Variants in PARD3 observed in about 807,000 individuals in gnomAD.
PARD3 encodes partitioning defective 3 homolog.
In PARD3, 75 loss-of-function variants were observed where a neutral mutation model predicts 155.4. The ratio of observed to expected loss-of-function variants is 0.48; its 90% CI spans 0.40 to 0.58. PARD3 has a LOEUF of 0.58. PARD3 is among the 20% of genes least tolerant of loss of function. PARD3 has a pLI of 0.00. For synonymous variants in PARD3, 576 were observed against 610.5 expected, an observed-to-expected ratio of 0.94 and a Z score of 0.83; for missense variants, 1,642 against 1,721.7, an observed-to-expected ratio of 0.95 and a Z score of 0.82.
chr10:34,363,602 G>A (rs1231268374), intron 12 of PARD3, among the ~76,000 whole-genome samples: 2 of 152,138 alleles, frequency 1.3e-5, no homozygotes, highest in Non-Finnish European at 2.9e-5. Context: ...GATAGTATAG[G>A]AATCTCCATA....
chr10:34,642,339 A>T (rs2092704481), intron 2 of PARD3, among the ~76,000 whole-genome samples: 1 of 151,594 alleles, frequency 6.6e-6, no homozygotes, highest in South Asian at 2.1e-4. Flanking sequence ...TGCTTTCTAC[A>T]CCCTCTCAAA....
intron 24 of PARD3, among the ~76,000 whole-genome samples, chr10:34,114,850 C>T (rs1440229489): frequency 1.3e-5 from 2 of 152,230 alleles, no homozygotes; most frequent in South Asian, 2.1e-4. Flanking sequence ...ACAACAGCAA[C>T]AAAATATCAA....
At chr10:34,204,785 G>A (rs908781860) in intron 22 of PARD3, among the ~76,000 whole-genome samples, 3 of 152,112 alleles carry the variant, frequency 2.0e-5, no homozygotes, top group Admixed American at 1.3e-4. Context: ...TTTTGAATTC[G>A]TGGTATCTAT....
At chr10:34,582,734 T>C (rs1476993830) in intron 2 of PARD3, among the ~76,000 whole-genome samples, 1 of 152,194 alleles carries the variant, frequency 6.6e-6, no homozygotes, top group African/African-American at 2.4e-5. Flanking sequence ...TCCTCCTTCA[T>C]AAGGAAATTC....
intron 3 of PARD3, among the ~76,000 whole-genome samples, chr10:34,475,561 T>C (rs542762479): frequency 6.6e-6 from 1 of 152,222 alleles, no homozygotes; most frequent in Non-Finnish European, 1.5e-5. Context: ...TCTATTTGTC[T>C]CACATTTTGA....
At chr10:34,694,671 C>T (rs2094132937) in intron 2 of PARD3, among the ~76,000 whole-genome samples, 1 of 151,932 alleles carries the variant, frequency 6.6e-6, no homozygotes, top group Non-Finnish European at 1.5e-5. Flanking sequence ...GGGGTTTCAC[C>T]TTGTTAGCCA....
intron 2 of PARD3, among the ~76,000 whole-genome samples, chr10:34,648,711 T>C (rs2253088): frequency 0.52 from 79,015 of 152,120 alleles, 24,011 homozygotes; most frequent in African/African-American, 0.86. Flanking sequence ...TGGCTCCTAA[T>C]GGGCCATGGA....
intron 12 of PARD3, among the ~76,000 whole-genome samples, chr10:34,361,136 T>C (rs987095985): frequency 6.6e-6 from 1 of 152,198 alleles, no homozygotes; most frequent in African/African-American, 2.4e-5. Flanking sequence ...ATCCCGCCCA[T>C]GACCAAGATT....
chr10:34,746,098 T>C (rs533144536), intron 1 of PARD3, among the ~76,000 whole-genome samples: 5 of 151,328 alleles, frequency 3.3e-5, no homozygotes, highest in Admixed American at 1.3e-4. Context: ...CAAGACTCCA[T>C]CTCAAAAAAC....
intron 3 of PARD3, among the ~76,000 whole-genome samples, chr10:34,501,043 C>T (rs576549357): frequency 6.6e-6 from 1 of 152,218 alleles, no homozygotes; most frequent in East Asian, 1.9e-4. Flanking sequence ...TATCAAGCAA[C>T]CACAATTATA....
intron 5 of PARD3, among the ~76,000 whole-genome samples, chr10:34,410,412 A>G (rs1589466849): frequency 6.6e-6 from 1 of 152,276 alleles, no homozygotes; most frequent in East Asian, 1.9e-4. Context: ...TAATGATTCA[A>G]TATTCTATCG....
chr10:34,531,636 T>C (rs1019417498), intron 2 of PARD3, among the ~76,000 whole-genome samples: 1 of 152,152 alleles, frequency 6.6e-6, no homozygotes, highest in African/African-American at 2.4e-5. Context: ...TCCTTTCTTG[T>C]TTTTTATAAT....
At chr10:34,525,233 T>C (rs2082395490) in intron 2 of PARD3, among the ~76,000 whole-genome samples, 1 of 152,222 alleles carries the variant, frequency 6.6e-6, no homozygotes, top group Non-Finnish European at 1.5e-5. Flanking sequence ...TTAAATGTTA[T>C]GCATGTGAGA....
intron 1 of PARD3, among the ~76,000 whole-genome samples, chr10:34,788,623 T>A (rs1309963789): frequency 6.6e-6 from 1 of 152,176 alleles, no homozygotes; most frequent in Non-Finnish European, 1.5e-5. Context: ...CTAATTTTTG[T>A]ATTTTCAGTA....
chr10:34,556,091 A>C (rs2084957137), intron 2 of PARD3, among the ~76,000 whole-genome samples: 1 of 152,232 alleles, frequency 6.6e-6, no homozygotes, highest in African/African-American at 2.4e-5. Flanking sequence ...GGAAAGAAGA[A>C]TAAAGCAGAA....
intron 19 of PARD3, among the ~76,000 whole-genome samples, chr10:34,319,078 CT>C (rs34948436): frequency 0.23 from 26,507 of 114,610 alleles, 2,998 homozygotes; most frequent in South Asian, 0.37. Context: ...TGCACCCAGA[CT>C]TTTTTTTTTT....
At chr10:34,146,596 C>T (rs1280897244) in intron 22 of PARD3, among the ~76,000 whole-genome samples, 1 of 152,188 alleles carries the variant, frequency 6.6e-6, no homozygotes, top group African/African-American at 2.4e-5. Context: ...TGATGAAAAT[C>T]ACAGTTTGGC....
intron 22 of PARD3, among the ~76,000 whole-genome samples, chr10:34,180,579 C>T (rs1209615409): frequency 1.3e-5 from 2 of 152,060 alleles, no homozygotes; most frequent in Non-Finnish European, 2.9e-5. Context: ...ATTATTAAAC[C>T]ATTTCATTTG....
At position 34,317,351 on chromosome 10, in the gene PARD3, G is replaced by GAAAA. The variant is rs375147742; in HGVS notation, c.2834-17_2834-14dup. ...GTGTCTTCTTCCACTTGGAAGGAAAGAAAAAAAAATAGGGACACAGTGAAC... is the reference window on the plus strand; with the variant it reads ...GTGTCTTCTTCCACTTGGAAGGAAAGAAAAAAAAAAAAATAGGGACACAGTGAAC... On this transcript the variant is annotated splice_polypyrimidine_tract_variant and intron_variant, in intron 19 of 24. Coordinates refer to ENST00000374788, the MANE Select transcript of PARD3 (RefSeq NM_001184785.2). 2 of 1,532,222 alleles carry GAAAA rather than the reference G, an allele frequency of 1.3e-6. No homozygotes were observed. Among genetic ancestry groups the GAAAA allele is most frequent in the Non-Finnish European group, 1.8e-6 (2 of 1,139,074 alleles). The allele number at this position is 1,532,222 out of a possible 1,614,324, so 94.9% of individuals were successfully genotyped here. A position where few individuals can be genotyped will look rare whatever the true frequency, so the allele number is the denominator to read the frequency against.
Sources: gnomAD v4.1 joint callset for allele counts (sites outside exome capture counted in the v4.1 genomes callset) on GRCh38, gnomAD v4.1.1 for gene constraint, MANE v1.5 for transcripts, NCBI Gene and HGNC (gene_info 2026-07-23, HGNC 2026-07-21) for gene names.